RALGDS: variants seen among roughly 807,000 people sequenced by gnomAD.
The protein encoded by RALGDS is ral guanine nucleotide exchange factor.
In RALGDS, 44 loss-of-function variants were observed where a neutral mutation model predicts 99.8. The ratio of observed to expected loss-of-function variants is 0.44; its 90% confidence interval spans 0.35 to 0.57. The LOEUF (loss-of-function observed/expected upper bound fraction) is 0.57. RALGDS is among the 20% of genes least tolerant of loss of function. The pLI, the probability that RALGDS is intolerant of heterozygous loss-of-function variation, is 0.01. For missense variants in RALGDS, 1,022 were observed against 1,203.1 expected (o/e 0.85, Z 2.23); for synonymous variants, 529 against 505.0 (o/e 1.05, Z -0.64).
chr9:133,128,215 A>G (rs1306549251), intron 1 of RALGDS, among the ~76,000 whole-genome samples: 1 of 151,448 alleles, frequency 6.6e-6, no homozygotes, highest in Admixed American at 6.6e-5. Context: ...GGAGAGAGGA[A>G]GACATAGAGG....
At chr9:133,140,838 CGTGGGCCGGGGCTGCACGCACCTTGGGCT>C (rs950365396) in intron 1 of RALGDS, among the ~76,000 whole-genome samples, 94 of 152,282 alleles carry the variant, frequency 6.2e-4, no homozygotes, top group Admixed American at 2.9e-3. Context: ...CCGGCAAGAA[CGTGGGCCGGGGCTGCACGCACCTTGGGCT>C]GTGGGCCGGC....
In RALGDS at chr9:133,097,786, T is replaced by C. The variant is rs1362055023; in HGVS notation, c.*801A>G. Reference sequence around the variant, plus strand: ...ATTTGCTATTTACAACAAATAAATATTGCCCCTCCCCAATCAGTAAACAAA... The same window carrying C: ...ATTTGCTATTTACAACAAATAAATACTGCCCCTCCCCAATCAGTAAACAAA... On this transcript the variant is annotated 3_prime_UTR_variant, in exon 18 of 18. Coordinates refer to ENST00000372050, the MANE Select transcript of RALGDS (RefSeq NM_006266.4). 1 of 222,640 alleles carries C rather than the reference T, an allele frequency of 4.5e-6. No individual in the cohort carries two copies. Among genetic ancestry groups the C allele is most frequent in the Non-Finnish European group, 9.0e-6 (1 of 111,306 alleles). The allele number at this position is 222,640 out of a possible 1,614,324, so 13.8% of individuals were successfully genotyped here.
At position 133,102,137 on chromosome 9, in the gene RALGDS, C is replaced by A. The variant is rs748411421; in HGVS notation, c.2012G>T (p.Arg671Leu). ...NTAIVKRWSD[R>L]QAPSTELSTS... ...ACTGAGCTCAGTGCTGGGGGCCTGG[C>A]GGCTGGGTGAAGAGTTGGCTTAGTT... Residue 671 changes from arginine to leucine, a missense_variant and splice_region_variant, in exon 15 of 18, where the codon CGC becomes CTC. Transcript: ENST00000372050. 1 of 1,563,096 alleles carries A rather than the reference C, an allele frequency of 6.4e-7. No individual in the cohort carries two copies. Among genetic ancestry groups the A allele is most frequent in the Non-Finnish European group, 8.7e-7 (1 of 1,152,448 alleles).
At chr9:133,143,783 CAACAATAATAATAAT>C (rs1403765891) in intron 1 of RALGDS, among the ~76,000 whole-genome samples, 2 of 109,460 alleles carry the variant, frequency 1.8e-5, no homozygotes, top group Non-Finnish European at 3.5e-5. Flanking sequence ...ACAACAACAA[CAACAATAATAATAAT>C]AATAATAATA....
upstream of RALGDS, among the ~76,000 whole-genome samples, chr9:133,131,548 C>G (rs1159621258): frequency 6.6e-6 from 1 of 152,100 alleles, no homozygotes; most frequent in African/African-American, 2.4e-5. Flanking sequence ...CCAGTCAGAG[C>G]AGCCTTCTCC....
intron 17 of RALGDS, chr9:133,099,001 G>A (rs145289518): frequency 2.4e-4 from 123 of 520,196 alleles, no homozygotes; most frequent in African/African-American, 2.0e-3. Flanking sequence ...AGAACCCCCC[G>A]GCTTGGCCTG....
chr9:133,102,264 C>T, intron 14 of RALGDS, 125 bp from the exon 15 acceptor site: 1 of 1,175,998 alleles, frequency 8.5e-7, no homozygotes, highest in African/African-American at 1.5e-5. Flanking sequence ...CCATTCACCA[C>T]AGCCATCTGG....
In RALGDS at chr9:133,101,986, C is replaced by A; in HGVS notation, c.2163G>T (p.Glu721Asp). 4 of 1,551,824 alleles carry A rather than the reference C, an allele frequency of 2.6e-6. No homozygotes were observed. The highest frequency in any genetic ancestry group is 3.5e-6 in the Non-Finnish European group (4 of 1,147,228). ...ACTCCGGGACGAAGCTGATGTTGAT[C>A]TCCTCCACGTCGGAGCTAGAGGAGC... ...SAGSSSSDVE[E>D]INISFVPESP... Residue 721 changes from glutamate (E) to aspartate (D), a missense_variant, in exon 15 of 18, where the codon GAG (glutamate) becomes GAT (aspartate). By Grantham distance (45) the Glu-to-Asp change is conservative. Around this residue, in one of 3 missense-constraint regions of RALGDS, gnomAD observed 825 missense variants for 994.5 expected, o/e 0.83. Transcript: ENST00000372050.
chr9:133,123,773 G>T (rs112243023), upstream of RALGDS, among the ~76,000 whole-genome samples: 1 of 102,182 alleles, frequency 9.8e-6, no homozygotes, highest in African/African-American at 3.5e-5. Context: ...CACACACAGA[G>T]ACACAAAGAT....
intron 9 of RALGDS, 54 bp downstream of exon 9, chr9:133,105,875 CCCA>C (rs1564232146): frequency 1.8e-5 from 1 of 55,630 alleles, no homozygotes; most frequent in African/African-American, 6.7e-5. Context: ...CAGCCCCCGC[CCCA>C]GCCCCCGCCC....
chr9:133,114,378 G>C (rs1004040846), intron 1 of RALGDS, among the ~76,000 whole-genome samples: 6 of 152,200 alleles, frequency 3.9e-5, no homozygotes, highest in African/African-American at 1.4e-4. Flanking sequence ...TCAGATGGTG[G>C]AGGTGCAGGC....
upstream of RALGDS, among the ~76,000 whole-genome samples, chr9:133,133,111 G>GCACAGA (rs144882688): frequency 0.026 from 3,944 of 152,248 alleles, 78 homozygotes; most frequent in Non-Finnish European, 0.037. Flanking sequence ...TGCTATTCTT[G>GCACAGA]AATAGCCCAC....
intron 6 of RALGDS, among the ~76,000 whole-genome samples, chr9:133,107,684 G>C (rs1831140805): frequency 6.6e-6 from 1 of 152,210 alleles, no homozygotes; most frequent in South Asian, 2.1e-4. Flanking sequence ...TGAACAGATG[G>C]GGGTGACCCA....
At chr9:133,117,523 G>A (rs2119198901) in intron 1 of RALGDS, among the ~76,000 whole-genome samples, 1 of 152,380 alleles carries the variant, frequency 6.6e-6, no homozygotes, top group African/African-American at 2.4e-5. Flanking sequence ...CTGTTGGGCT[G>A]CCATCCCACT....
At chr9:133,148,711 C>T (rs907133008) in intron 1 of RALGDS, among the ~76,000 whole-genome samples, 7 of 152,186 alleles carry the variant, frequency 4.6e-5, no homozygotes, top group African/African-American at 1.7e-4. Flanking sequence ...TGAGCCGAGC[C>T]CTTCCTGGCC....
rs753012671 is a variant in RALGDS at position 133,102,510 on chromosome 9, T to G, written c.1975A>C (p.Lys659Gln). The G allele has an allele frequency of 1.9e-6, 3 of 1,614,008 alleles. No individual in the cohort carries two copies. The East Asian group carries it at 6.7e-5, about 36-fold the overall frequency. Reference sequence around the variant, plus strand: ...CGCTTGACAATGGCTGTGTTCTTCTTGGTCCTGAGGGTGTTGCTGGCTGAC... The same window carrying G: ...CGCTTGACAATGGCTGTGTTCTTCTGGGTCCTGAGGGTGTTGCTGGCTGAC... ...SESASNTLRT[K>Q]KNTAIVKRWS... Residue 659 changes from lysine (K) to glutamine (Q), a missense_variant, in exon 14 of 18, where the codon AAG (lysine) becomes CAG (glutamine). By Grantham distance (53) the Lys-to-Gln change is moderately conservative. Around this residue, in one of 3 missense-constraint regions of RALGDS, gnomAD observed 825 missense variants for 994.5 expected, o/e 0.83. Coordinates refer to ENST00000372050, the MANE Select transcript of RALGDS (RefSeq NM_006266.4).
At chr9:133,104,957 G>C (rs578257726) in intron 9 of RALGDS, among the ~76,000 whole-genome samples, 1 of 152,190 alleles carries the variant, frequency 6.6e-6, no homozygotes, top group Non-Finnish European at 1.5e-5. Context: ...TCTAGATGAG[G>C]AAACTATGGC....
At chr9:133,130,172 A>G (rs1283689128) in intron 1 of RALGDS, among the ~76,000 whole-genome samples, 3 of 151,700 alleles carry the variant, frequency 2.0e-5, no homozygotes, top group African/African-American at 4.9e-5. Context: ...GGGCTTCACT[A>G]CATTGGCCAG....
chr9:133,106,722 C>A lies in RALGDS; in HGVS notation c.1440G>T (p.Ser480=), dbSNP rs139209966. 8 of 1,612,548 alleles carry A rather than the reference C, an allele frequency of 5.0e-6. No individual in the cohort carries two copies. The highest frequency in any genetic ancestry group is 6.8e-6 in the Non-Finnish European group (8 of 1,179,300). The change falls in exon 8 of 18, where the codon TCG becomes TCT. Residue 480 remains serine, a synonymous_variant. Transcript: ENST00000372050. ...ARECRILKNF[S]SLYAILSALQ... ...GGGCAGAGAGGATGGCATACAGTGA[C>A]GAGAAGTTCTTGAGGATCCGGCACT...
Sources: allele counts gnomAD v4.1 joint callset (sites outside exome capture counted in the v4.1 genomes callset), GRCh38; gene constraint gnomAD v4.1.1; regional missense constraint gnomAD v4.1.1; transcripts MANE v1.5; gene names NCBI Gene and HGNC (gene_info 2026-07-23, HGNC 2026-07-21).